SCMH1: variants seen among roughly 807,000 people sequenced by gnomAD.
SCMH1 encodes Scm polycomb group protein homolog 1, also known as polycomb protein SCMH1.
A neutral mutation model predicts 70.8 loss-of-function variants in SCMH1; 37 were observed. That is an observed-to-expected ratio of 0.52 (90% CI 0.40 to 0.69). The LOEUF is 0.69. Among genes scored for constraint, SCMH1 ranks in the 30% least tolerant of loss-of-function variants. The pLI is 0.00. For missense variants in SCMH1, 607 were observed against 827.3 expected, an observed-to-expected ratio of 0.73 and a Z score of 3.27; for synonymous variants, 292 against 307.4, an observed-to-expected ratio of 0.95 and a Z score of 0.52.
intron 8 of SCMH1, among the ~76,000 whole-genome samples, chr1:41,079,234 T>C (rs1019379281): frequency 1.8e-4 from 28 of 151,540 alleles, no homozygotes; most frequent in Non-Finnish European, 3.2e-4. Context: ...CTTGGACAAA[T>C]AGAAAACAAA....
intron 12 of SCMH1, chr1:41,045,680 A>G (rs1279276389): frequency 2.0e-5 from 3 of 152,326 alleles, no homozygotes; most frequent in Admixed American, 2.0e-4. Flanking sequence ...GGGCTTTTTT[A>G]AGGGCCTTTC....
intron 6 of SCMH1, among the ~76,000 whole-genome samples, chr1:41,119,546 T>C (rs959249518): frequency 2.0e-5 from 3 of 152,064 alleles, no homozygotes; most frequent in African/African-American, 4.8e-5. Context: ...TAAAACACAA[T>C]GCTGTTTAAG....
chr1:41,070,630 G>A, exon 10 of SCMH1: 1 of 1,614,122 alleles, frequency 6.2e-7, no homozygotes, highest in Non-Finnish European at 8.5e-7. Context: ...GGGGATGGTG[G>A]CAGCATCCTG....
At chr1:41,164,436 G>A (rs1366637805) in intron 2 of SCMH1, among the ~76,000 whole-genome samples, 1 of 65,914 alleles carries the variant, frequency 1.5e-5, no homozygotes, top group Non-Finnish European at 2.7e-5. Flanking sequence ...TCACTCTTAG[G>A]GGATGACTTT....
At chr1:41,076,044 C>T (rs1357545475) in intron 8 of SCMH1, among the ~76,000 whole-genome samples, 3 of 152,174 alleles carry the variant, frequency 2.0e-5, no homozygotes, top group African/African-American at 7.2e-5. Context: ...TTCCTTATTA[C>T]CTTTAAGGTA....
intron 8 of SCMH1, among the ~76,000 whole-genome samples, chr1:41,110,274 C>G (rs901584774): frequency 6.6e-5 from 10 of 152,236 alleles, no homozygotes; most frequent in Admixed American, 5.9e-4. Context: ...AACTCATTCT[C>G]CACAGACCAG....
intron 1 of SCMH1, among the ~76,000 whole-genome samples, chr1:41,194,753 C>T (rs1652586411): frequency 6.6e-6 from 1 of 152,180 alleles, no homozygotes; most frequent in Admixed American, 6.5e-5. Context: ...GGTGCATCTA[C>T]ACAGGAACCA....
At chr1:41,211,595 G>A (rs867937640) in intron 1 of SCMH1, among the ~76,000 whole-genome samples, 6 of 152,324 alleles carry the variant, frequency 3.9e-5, no homozygotes, top group South Asian at 4.1e-4. Flanking sequence ...AACCACTGTG[G>A]AAGACAGTGT....
intron 8 of SCMH1, among the ~76,000 whole-genome samples, chr1:41,087,492 G>A (rs555225172): frequency 1.4e-4 from 21 of 151,102 alleles, no homozygotes; most frequent in African/African-American, 5.1e-4. Context: ...ACGGGTAAAT[G>A]AGCAAAAGAA....
intron 10 of SCMH1, among the ~76,000 whole-genome samples, chr1:41,068,560 C>G (rs1655447420): frequency 6.6e-6 from 1 of 152,112 alleles, no homozygotes; most frequent in Admixed American, 6.6e-5. Context: ...CATGTGCCAC[C>G]ATGCCTGGCT....
At chr1:41,077,979 T>A (rs932531383) in intron 8 of SCMH1, among the ~76,000 whole-genome samples, 1 of 152,196 alleles carries the variant, frequency 6.6e-6, no homozygotes, top group South Asian at 2.1e-4. Context: ...ACAGATTTTT[T>A]AAAAATCATA....
intron 1 of SCMH1, among the ~76,000 whole-genome samples, chr1:41,231,221 T>C (rs139053048): frequency 2.0e-5 from 3 of 152,192 alleles, no homozygotes; most frequent in Admixed American, 1.3e-4. Context: ...AAAGTTCATA[T>C]GACATCCACC....
At chr1:41,138,410 A>C (rs1414726498) in intron 6 of SCMH1, among the ~76,000 whole-genome samples, 1 of 152,196 alleles carries the variant, frequency 6.6e-6, no homozygotes, top group Non-Finnish European at 1.5e-5. Context: ...TTATACATAC[A>C]TATACATATC....
intron 9 of SCMH1, 92 bp downstream of exon 9, chr1:41,075,127 G>A (rs1017198508): frequency 1.7e-5 from 21 of 1,228,454 alleles, no homozygotes; most frequent in Middle Eastern, 1.9e-4. Flanking sequence ...CTCCCATTAA[G>A]TGCTGGGATT....
chr1:41,132,607 T>TG (rs1320416921), intron 6 of SCMH1, among the ~76,000 whole-genome samples: 62 of 152,220 alleles, frequency 4.1e-4, no homozygotes, highest in Admixed American at 4.1e-3. Context: ...GTTTTACTCA[T>TG]GAAGTCTTTG....
intron 8 of SCMH1, among the ~76,000 whole-genome samples, chr1:41,077,806 G>C (rs1658790627): frequency 6.6e-6 from 1 of 152,130 alleles, no homozygotes; most frequent in African/African-American, 2.4e-5. Flanking sequence ...CTTTCTCATG[G>C]AAGATACCAG....
chr1:41,148,391 C>T (rs1644775956), intron 5 of SCMH1, among the ~76,000 whole-genome samples: 3 of 152,044 alleles, frequency 2.0e-5, no homozygotes, highest in African/African-American at 7.2e-5. Context: ...CATTTTCTTT[C>T]TGCTTGATGA....
chr1:41,213,885 T>C (rs1216041610), intron 1 of SCMH1, among the ~76,000 whole-genome samples: 1 of 139,794 alleles, frequency 7.2e-6, no homozygotes, highest in African/African-American at 2.5e-5. Flanking sequence ...ATTGCTTACA[T>C]TTTTTTTTAA....
chr1:41,201,486 C>A (rs978424821), intron 1 of SCMH1, among the ~76,000 whole-genome samples: 1 of 152,176 alleles, frequency 6.6e-6, no homozygotes, highest in Non-Finnish European at 1.5e-5. Context: ...GTTTCCTCAT[C>A]ATTCACCTCT....
Sources: allele counts gnomAD v4.1 joint callset (sites outside exome capture counted in the v4.1 genomes callset), GRCh38; gene constraint gnomAD v4.1.1; transcripts MANE v1.5; gene names NCBI Gene and HGNC (gene_info 2026-07-23, HGNC 2026-07-21).